Variants in WDR83 observed in about 807,000 individuals in gnomAD.
WDR83 encodes WD repeat domain-containing protein 83.
Under a neutral mutation model 37.7 loss-of-function variants are expected in WDR83, and 37 were observed. The ratio of observed to expected loss-of-function variants is 0.98; its 90% confidence interval spans 0.76 to 1.29. The LOEUF is 1.29. Among genes scored for constraint, WDR83 ranks in the 50% most tolerant of loss-of-function variants. The probability of loss-of-function intolerance (pLI) is 0.00; values close to 1 mark genes in which losing one functional copy is unlikely to be tolerated. For synonymous variants in WDR83, 174 were observed against 181.1 expected, an observed-to-expected ratio of 0.96 and a Z score of 0.31; for missense variants, 445 against 414.4, an observed-to-expected ratio of 1.07 and a Z score of -0.64.
At chr19:12,669,663 C>A (rs1373048583) in intron 2 of WDR83, 92 bp from the exon 3 acceptor site, 3 of 1,091,084 alleles carry the variant, frequency 2.7e-6, no homozygotes, top group African/African-American at 1.6e-5. Flanking sequence ...AAATGATGAA[C>A]CCGGAAGTGA....
Position 12,672,913 on chromosome 19 carries a change from C to A in WDR83, c.573C>A (p.Gly191=). The A allele has an allele frequency of 6.3e-7, 1 of 1,599,422 alleles. No individual in the cohort carries two copies. The highest frequency in any genetic ancestry group is 8.5e-7 in the Non-Finnish European group (1 of 1,172,988). ...RMGQLFSDYV[G]SPITCTCFSR... ...GGCAGCTCTTCTCAGACTACGTGGG[C>A]AGTGAGTGTGGCTGGGGATGTGGGA... Residue 191 remains glycine, a splice_region_variant and synonymous_variant, in exon 8 of 11, where the codon GGC becomes GGA. Transcript: ENST00000418543.
chr19:12,675,578 A>AC lies in WDR83; in HGVS notation c.856dup (p.His286ProfsTer24). ...TCCGGTGTGGTGCAGTCGCTGGCCT[A>AC]CCACCCAACAGAGCCCTGCCTGCTG... On this transcript the variant is annotated frameshift_variant, in exon 11 of 11. Coordinates refer to ENST00000418543, the MANE Select transcript of WDR83 (RefSeq NM_001099737.3). LOFTEE classifies it high-confidence loss of function. 6.2e-7 allele frequency: 1 copy of AC among 1,605,980 alleles called. No homozygotes were observed. Among genetic ancestry groups the AC allele is most frequent in the Non-Finnish European group, 8.5e-7 (1 of 1,179,948 alleles).
Position 12,667,007 on chromosome 19 carries a change from G to T in WDR83, c.-157+15G>T. On this transcript the variant is annotated intron_variant, in intron 1 of 10. Coordinates refer to ENST00000418543, the MANE Select transcript of WDR83 (RefSeq NM_001099737.3). ...TCTTAATGCCGGTAGGAGCAGAAGT[G>T]CTTTTCCTAAGGGGGCCGGGTTTTC... is the stretch of plus-strand genomic sequence containing the variant. 2 of 481,642 alleles carry T rather than the reference G, an allele frequency of 4.2e-6. No homozygotes were observed. The highest frequency in any genetic ancestry group is 7.4e-6 in the Non-Finnish European group (2 of 268,928). The allele number at this position is 481,642 out of a possible 1,614,324, so 29.8% of individuals were successfully genotyped here. A position where few individuals can be genotyped will look rare whatever the true frequency, so the allele number is the denominator to read the frequency against.
At chr19:12,667,524 A>G (rs2024287221) in intron 1 of WDR83, among the ~76,000 whole-genome samples, 1 of 152,308 alleles carries the variant, frequency 6.6e-6, no homozygotes, top group Non-Finnish European at 1.5e-5. Flanking sequence ...ATGGTGGCAC[A>G]TGCCTGTAAT....
At chr19:12,671,005 G>A in intron 7 of WDR83, 184 bp downstream of exon 7, 1 of 856,268 alleles carries the variant, frequency 1.2e-6, no homozygotes, top group Admixed American at 2.8e-5. Context: ...TGCACTCCAT[G>A]CTGGGTGAAA....
At chr19:12,668,166 G>A (rs898109998) in intron 1 of WDR83, 7 of 586,226 alleles carry the variant, frequency 1.2e-5, no homozygotes, top group Non-Finnish European at 2.1e-5. Flanking sequence ...CAGCAGGCAG[G>A]GGAAGGGAGG....
At chr19:12,668,662 A>C (rs751061990) in intron 2 of WDR83, 35 bp downstream of exon 2, 1 of 1,535,990 alleles carries the variant, frequency 6.5e-7, no homozygotes, top group South Asian at 1.1e-5. Flanking sequence ...AAGGCACAAC[A>C]ATGAGTCCCC....
rs1320291412 is a variant in WDR83 at position 12,670,454 on chromosome 19, C to A, written c.331-109C>A. The stretch of plus-strand genomic sequence containing the variant: ...CCAACCCCTGTCCTTGCTGTTCCCC[C>A]AAAACCTTTCACCTCCCCTTCGCCC... On this transcript the variant is annotated intron_variant, in intron 5 of 10. Transcript: ENST00000418543. 5.7e-6 allele frequency: 9 copies of A among 1,566,508 alleles called. No individual in the cohort carries two copies. In the African/African-American group the frequency reaches 1.1e-4, roughly 19 times the overall value.
Position 12,675,660 on chromosome 19 carries a change from TGGAGCAGGCTGAAGCCA to T in WDR83, c.939_*7del. ...GAGAGGAGGCCTATGAGGCAGAGGA[TGGAGCAGGCTGAAGCCA>T]GGGGACCCACCAACAGGACCAAGGA... On this transcript the variant is annotated stop_lost and 3_prime_UTR_variant, in exon 11 of 11. Coordinates refer to ENST00000418543, the MANE Select transcript of WDR83 (RefSeq NM_001099737.3). 1.2e-6 allele frequency: 2 copies of T among 1,600,666 alleles called. No homozygotes were observed. Among genetic ancestry groups the T allele is most frequent in the Non-Finnish European group, 8.5e-7 (1 of 1,179,480 alleles).
rs1255570577 is a variant in WDR83, at chr19:12,672,927, G to A, written c.574+13G>A. 1 of 1,598,564 alleles carries A rather than the reference G, an allele frequency of 6.3e-7. No homozygotes were observed. Among genetic ancestry groups the A allele is most frequent in the Non-Finnish European group, 8.5e-7 (1 of 1,172,598 alleles). On this transcript the variant is annotated intron_variant, in intron 8 of 10. Transcript: ENST00000418543. ...GACTACGTGGGCAGTGAGTGTGGCT[G>A]GGGATGTGGGACAGGCAGGGAAGAT...
Position 12,668,330 on chromosome 19 carries a change from G to A in WDR83, c.-156-178G>A, listed in dbSNP as rs752485735. The A allele has an allele frequency of 2.5e-6, 4 of 1,597,922 alleles. No individual in the cohort carries two copies. The Admixed American group carries it at 5.3e-5, about 21-fold the overall frequency. ...AGCCCAGGCCTAGTGGATAGACAGG[G>A]TCCAAAATGTGACCCTTCTAGGCTG... On this transcript the variant is annotated intron_variant, in intron 1 of 10. Transcript: ENST00000418543.
intron 7 of WDR83, chr19:12,672,544 G>T: frequency 2.6e-6 from 1 of 387,582 alleles, no homozygotes. Flanking sequence ...GGAGGCAGAG[G>T]TTCCGGTGAG....
intron 10 of WDR83, among the ~76,000 whole-genome samples, 195 bp from the exon 11 acceptor site, chr19:12,675,328 C>T (rs1156282829): frequency 6.6e-6 from 1 of 152,148 alleles, no homozygotes; most frequent in East Asian, 1.9e-4. Context: ...CCTGGTAGGA[C>T]AGAGCTACTG....
chr19:12,673,892 G>T (rs1163926613), intron 10 of WDR83, among the ~76,000 whole-genome samples: 3 of 152,034 alleles, frequency 2.0e-5, no homozygotes, highest in Non-Finnish European at 4.4e-5. Flanking sequence ...TAGAGACAGG[G>T]TTTCACCATG....
In WDR83 at chr19:12,673,390, C is replaced by T. The variant is rs2024479467; in HGVS notation, c.798+74C>T. The T allele has an allele frequency of 5.4e-6, 5 of 926,774 alleles. No individual in the cohort carries two copies. The Admixed American group carries it at 6.4e-5, about 12-fold the overall frequency. The allele number at this position is 926,774 out of a possible 1,614,324, so 57.4% of individuals were successfully genotyped here. A position where few individuals can be genotyped will look rare whatever the true frequency, so the allele number is the denominator to read the frequency against. On this transcript the variant is annotated intron_variant, in intron 10 of 10. Transcript: ENST00000418543. ...AGCCCTGTCCTTACCTCAGTCACTC[C>T]AGGGCCTGAAGGCTAGGATCTTTTT...
chr19:12,674,531 C>T (rs1366994108), intron 10 of WDR83, among the ~76,000 whole-genome samples: 1 of 152,212 alleles, frequency 6.6e-6, no homozygotes, highest in African/African-American at 2.4e-5. Context: ...CTTATGGGCC[C>T]AGTAGAACAG....
chr19:12,675,614 G>A lies in WDR83; in HGVS notation c.890G>A (p.Gly297Glu). ...GAGCCCTGCCTGCTGACCGCCATGG[G>A]AGGCAGCGTCCAGTGCTGGCGAGAG... ...PTEPCLLTAMGGSVQCWREEA... is the reference protein window; with the variant it reads ...PTEPCLLTAMEGSVQCWREEA... Residue 297 changes from glycine to glutamate, a missense_variant, in exon 11 of 11, where the codon GGA becomes GAA. Gly to Glu is a moderately conservative substitution (Grantham distance 98). Transcript: ENST00000418543. 6.2e-7 allele frequency: 1 copy of A among 1,604,064 alleles called. No homozygotes were observed. The highest frequency in any genetic ancestry group is 1.1e-5 in the South Asian group (1 of 91,070).
At position 12,666,830 on chromosome 19, in the gene WDR83, G is replaced by C; in HGVS notation, c.-319G>C. 2 of 912,842 alleles carry C rather than the reference G, an allele frequency of 2.2e-6. No homozygotes were observed. The highest frequency in any genetic ancestry group is 3.2e-6 in the Non-Finnish European group (2 of 619,322). The allele number at this position is 912,842 out of a possible 1,614,324, so 56.5% of individuals were successfully genotyped here. On this transcript the variant is annotated 5_prime_UTR_variant, in exon 1 of 11. Transcript: ENST00000418543. ...GCGCGGTCTGGAGGCTCACGGGAGA[G>C]AGGCTGTAGCCCTGGGCAATCCCGG...
intron 7 of WDR83, among the ~76,000 whole-genome samples, chr19:12,671,886 C>T (rs1377198184): frequency 3.9e-5 from 6 of 152,004 alleles, no homozygotes; most frequent in South Asian, 2.1e-4. Context: ...TTAGTAGAGA[C>T]GGGGTTTCGC....
Sources: allele counts gnomAD v4.1 joint callset (sites outside exome capture counted in the v4.1 genomes callset), GRCh38; gene constraint gnomAD v4.1.1; transcripts MANE v1.5; gene names NCBI Gene and HGNC (gene_info 2026-07-23, HGNC 2026-07-21).